ADGRL3: variants seen among roughly 807,000 people sequenced by gnomAD.
ADGRL3 encodes the protein calcium-independent alpha-latrotoxin receptor 3.
In ADGRL3, 62 loss-of-function variants were observed where a neutral mutation model predicts 153.5. The ratio of observed to expected loss-of-function variants is 0.40; its 90% confidence interval spans 0.33 to 0.50. ADGRL3 has a LOEUF of 0.50. Among genes scored for constraint, ADGRL3 ranks in the 20% least tolerant of loss-of-function variants. The pLI is 0.47. For missense variants in ADGRL3, 1,641 were observed against 1,859.4 expected (o/e 0.88, Z 2.16); for synonymous variants, 710 against 672.5 (o/e 1.06, Z -0.86).
chr4:61,756,095 C>T (rs934637455), intron 8 of ADGRL3, among the ~76,000 whole-genome samples: 8 of 152,138 alleles, frequency 5.3e-5, no homozygotes, highest in Non-Finnish European at 1.2e-4. Context: ...ATTGACTTGG[C>T]AATGCGGGCT....
In ADGRL3 at chr4:61,860,929, G is replaced by A. The variant is rs112283054; in HGVS notation, c.1481-31727G>A. 2.7e-3 allele frequency among the ~76,000 whole-genome samples: 409 copies of A among 152,240 alleles called. 1 individual carries two copies. The highest frequency in any genetic ancestry group is 9.5e-3 in the African/African-American group (394 of 41,554). On this transcript the variant is annotated intron_variant, in intron 9 of 26. Coordinates refer to ENST00000683033, the MANE Select transcript of ADGRL3 (RefSeq NM_001387552.1). ...GATAGGAACCATGTTCAGTCTGATC[G>A]TTAAGTCTTTGCATTTTTTCCTAAG...
intron 1 of ADGRL3, among the ~76,000 whole-genome samples, chr4:61,257,209 A>G (rs557921381): frequency 2.8e-4 from 42 of 152,268 alleles, no homozygotes; most frequent in African/African-American, 9.4e-4. Context: ...CATATTCCCA[A>G]GTCTATCACT....
intron 17 of ADGRL3, among the ~76,000 whole-genome samples, chr4:61,972,473 T>G (rs1355315076): frequency 1.3e-5 from 2 of 152,164 alleles, no homozygotes; most frequent in African/African-American, 4.8e-5. Context: ...GTTGTAGATA[T>G]GCGGTGTTAT....
intron 2 of ADGRL3, among the ~76,000 whole-genome samples, chr4:61,469,691 T>A (rs1281554215): frequency 6.6e-6 from 1 of 152,026 alleles, no homozygotes; most frequent in East Asian, 1.9e-4. Flanking sequence ...TCTTTTAAGG[T>A]CTAAATGTTC....
At chr4:61,337,646 C>T (rs943645424) in intron 1 of ADGRL3, among the ~76,000 whole-genome samples, 4 of 152,166 alleles carry the variant, frequency 2.6e-5, no homozygotes, top group African/African-American at 9.7e-5. Context: ...TATAAACTGA[C>T]ATTTAAATGG....
chr4:62,006,004 A>AC (rs60303746), intron 21 of ADGRL3, among the ~76,000 whole-genome samples: 1 of 45,080 alleles, frequency 2.2e-5, no homozygotes. Flanking sequence ...ACACACACAC[A>AC]TATATATATA....
intron 5 of ADGRL3, among the ~76,000 whole-genome samples, chr4:61,654,789 C>T (rs535075743): frequency 2.0e-5 from 3 of 151,878 alleles, no homozygotes; most frequent in South Asian, 2.1e-4. Context: ...CCTAGTTACT[C>T]GGGAGGCTGA....
chr4:62,063,577 T>A lies in ADGRL3; in HGVS notation c.3815-4589T>A, dbSNP rs1371413958. The A allele has an allele frequency of 5.7e-6, 4 of 699,382 alleles. No individual in the cohort carries two copies. In the South Asian group the frequency reaches 6.0e-5, roughly 10 times the overall value. The allele number at this position is 699,382 out of a possible 1,614,324, so 43.3% of individuals were successfully genotyped here. A position where few individuals can be genotyped will look rare whatever the true frequency, so the allele number is the denominator to read the frequency against. On this transcript the variant is annotated intron_variant, in intron 25 of 26. Transcript: ENST00000683033. ...GGTACTAACAATCCCTATAATACAT[T>A]GCTTGGGGAACCGGCGGTCTGTAAC... is the stretch of plus-strand genomic sequence containing the variant.
chr4:61,714,620 A>C (rs1296735106), intron 6 of ADGRL3, among the ~76,000 whole-genome samples: 2 of 152,018 alleles, frequency 1.3e-5, no homozygotes, highest in Non-Finnish European at 2.9e-5. Context: ...TGTGGATGTC[A>C]TACTGGTAAA....
Position 62,001,190 on chromosome 4 carries a change from G to A in ADGRL3, c.3395+2925G>A, listed in dbSNP as rs1213196503. On this transcript the variant is annotated intron_variant, in intron 21 of 26. Coordinates refer to ENST00000683033, the MANE Select transcript of ADGRL3 (RefSeq NM_001387552.1). ...GGAAAGGAGAATTACTTTTATAGTT[G>A]TGATCTGAGGTTGTGTAGAGAATGT... Among the ~76,000 whole-genome samples the A allele has an allele frequency of 2.0e-5, 3 of 152,184 alleles. No individual in the cohort carries two copies. The East Asian group carries it at 5.8e-4, about 29-fold the overall frequency.
At position 61,946,998 on chromosome 4, in the gene ADGRL3, A is replaced by T; in HGVS notation, c.2504A>T (p.Glu835Val). ...AATGCCAGTATGAAGTTGGGAACGG[A>T]AGCTTTGTCCACAAATCATTCTGTT... ...TENASMKLGT[E>V]ALSTNHSVIV... The change falls in exon 16 of 27, where the codon GAA becomes GTA. Residue 835 changes from glutamate (E) to valine (V), a missense_variant. This residue lies in a region of ADGRL3 where 734 missense variants were observed against 797.0 expected (regional missense o/e 0.92). Coordinates refer to ENST00000683033, the MANE Select transcript of ADGRL3 (RefSeq NM_001387552.1). 6.2e-7 allele frequency: 1 copy of T among 1,613,822 alleles called. No homozygotes were observed. Among genetic ancestry groups the T allele is most frequent in the Non-Finnish European group, 8.5e-7 (1 of 1,179,798 alleles).
At chr4:61,713,663 A>G (rs2096049054) in intron 6 of ADGRL3, among the ~76,000 whole-genome samples, 1 of 152,084 alleles carries the variant, frequency 6.6e-6, no homozygotes, top group Non-Finnish European at 1.5e-5. Context: ...ATGATTTTTC[A>G]AAGTTCCTTG....
intron 1 of ADGRL3, among the ~76,000 whole-genome samples, chr4:61,210,780 G>T (rs898005828): frequency 2.0e-4 from 30 of 152,114 alleles, no homozygotes; most frequent in African/African-American, 7.2e-4. Context: ...TGACTTCAAG[G>T]CGTGGACAAA....
intron 5 of ADGRL3, among the ~76,000 whole-genome samples, chr4:61,618,643 G>A (rs1371005934): frequency 1.3e-5 from 2 of 152,136 alleles, no homozygotes; most frequent in Non-Finnish European, 2.9e-5. Context: ...TGGTCTCGAG[G>A]TTCCAATGAG....
intron 9 of ADGRL3, among the ~76,000 whole-genome samples, chr4:61,890,667 T>A (rs1034667482): frequency 5.9e-5 from 9 of 152,250 alleles, no homozygotes; most frequent in African/African-American, 2.2e-4. Context: ...AATTCCTTCA[T>A]AAAGGTTCCA....
chr4:61,517,274 G>A, intron 3 of ADGRL3, 41 bp from the exon 4 acceptor site: 1 of 699,224 alleles, frequency 1.4e-6, no homozygotes, highest in Admixed American at 2.0e-5. Context: ...GCGGGACTGA[G>A]GTGAGCAGGG....
At chr4:61,545,896 CAAACAAACAAA>C (rs1410609597) in intron 4 of ADGRL3, among the ~76,000 whole-genome samples, 1 of 151,900 alleles carries the variant, frequency 6.6e-6, no homozygotes, top group Non-Finnish European at 1.5e-5. Context: ...AACAAACAAA[CAAACAAACAAA>C]AAACAAAAAA....
At chr4:61,466,647 T>C (rs555476346) in intron 2 of ADGRL3, among the ~76,000 whole-genome samples, 2 of 152,328 alleles carry the variant, frequency 1.3e-5, no homozygotes, top group South Asian at 4.1e-4. Flanking sequence ...GTTCCTGCTC[T>C]GTTTTAAGAC....
chr4:61,996,843 C>T (rs759615277), intron 20 of ADGRL3, among the ~76,000 whole-genome samples: 2 of 152,120 alleles, frequency 1.3e-5, no homozygotes, highest in African/African-American at 2.4e-5. Flanking sequence ...GGCACAATCA[C>T]ATTAAGCCTG....
Sources: gnomAD v4.1 joint callset for allele counts (sites outside exome capture counted in the v4.1 genomes callset) on GRCh38, gnomAD v4.1.1 for gene constraint, gnomAD v4.1.1 regional missense constraint, MANE v1.5 for transcripts, NCBI Gene and HGNC (gene_info 2026-07-23, HGNC 2026-07-21) for gene names.